The following RABGAP1L variants were observed in gnomAD, a reference collection of about 807,000 sequenced individuals.
RABGAP1L encodes RAB GTPase activating protein 1 like, also known as rab GTPase-activating protein 1-like.
A neutral mutation model predicts 137.7 loss-of-function variants in RABGAP1L; 63 were observed. That is an observed-to-expected ratio of 0.46 (90% CI 0.37 to 0.56). RABGAP1L has a LOEUF of 0.56. Ranked by LOEUF, RABGAP1L falls within the 20% of genes least tolerant of loss-of-function variation. RABGAP1L has a pLI of 0.00. For missense variants in RABGAP1L, 1,095 were observed against 1,244.0 expected (o/e 0.88, Z 1.80); for synonymous variants, 431 against 433.7 (o/e 0.99, Z 0.08).
intron 18 of RABGAP1L, among the ~76,000 whole-genome samples, chr1:174,768,749 C>G (rs1685871726): frequency 1.3e-5 from 2 of 152,206 alleles, no homozygotes; most frequent in African/African-American, 2.4e-5. Context: ...TACTTCCTTT[C>G]ATTCCTGCTC....
rs186480707 is a variant in RABGAP1L, at chr1:174,685,968, A to G, written c.1899+2372A>G. Among the ~76,000 whole-genome samples the G allele has an allele frequency of 1.8e-4, 27 of 152,330 alleles. No individual in the cohort carries two copies. The East Asian group carries it at 4.0e-3, about 23-fold the overall frequency. On this transcript the variant is annotated intron_variant, in intron 15 of 25. Coordinates refer to ENST00000681986, the MANE Select transcript of RABGAP1L (RefSeq NM_001366446.1). ...GCATACTGGAGATTAATGCTGGAGG[A>G]GAAATGAAAGCTGAAGTCATGAGAG...
intron 22 of RABGAP1L, among the ~76,000 whole-genome samples, chr1:174,978,344 C>T (rs1410592014): frequency 1.3e-5 from 2 of 152,114 alleles, no homozygotes; most frequent in African/African-American, 2.4e-5. Context: ...AACTCTAGTC[C>T]CCAAAGCCTC....
At chr1:174,204,616 T>C (rs1242111084) in intron 1 of RABGAP1L, among the ~76,000 whole-genome samples, 1 of 152,160 alleles carries the variant, frequency 6.6e-6, no homozygotes, top group Non-Finnish European at 1.5e-5. Context: ...TGAAGGGGTG[T>C]TGAATTTTAC....
chr1:174,664,063 A>T (rs186434157), intron 14 of RABGAP1L, among the ~76,000 whole-genome samples: 116 of 152,260 alleles, frequency 7.6e-4, no homozygotes, highest in Non-Finnish European at 2.1e-4. Context: ...ATGAAACAAC[A>T]ATATATATTA....
chr1:174,620,961 C>T (rs374873412), intron 13 of RABGAP1L, among the ~76,000 whole-genome samples: 7 of 151,984 alleles, frequency 4.6e-5, no homozygotes, highest in African/African-American at 1.2e-4. Context: ...ATATCACCAC[C>T]GATCCCACAG....
chr1:174,436,636 C>T (rs1653352985), intron 13 of RABGAP1L, among the ~76,000 whole-genome samples: 2 of 152,296 alleles, frequency 1.3e-5, no homozygotes, highest in South Asian at 2.1e-4. Flanking sequence ...GTTTCTTTTG[C>T]TGTGCAGAAG....
At chr1:174,443,515 T>C (rs996813889) in intron 13 of RABGAP1L, among the ~76,000 whole-genome samples, 3 of 152,128 alleles carry the variant, frequency 2.0e-5, no homozygotes, top group Non-Finnish European at 2.9e-5. Context: ...GCAATTTCTA[T>C]GTCCTCCTGT....
intron 17 of RABGAP1L, among the ~76,000 whole-genome samples, chr1:174,744,660 C>T (rs1477452180): frequency 6.6e-6 from 1 of 152,096 alleles, no homozygotes; most frequent in African/African-American, 2.4e-5. Context: ...GTAGACATAT[C>T]GAGTTGAGGG....
intron 17 of RABGAP1L, among the ~76,000 whole-genome samples, chr1:174,709,901 G>T (rs928364544): frequency 1.3e-5 from 2 of 152,040 alleles, no homozygotes; most frequent in Non-Finnish European, 2.9e-5. Context: ...CAGTGCAAGG[G>T]AGCCAAAAAC....
intron 14 of RABGAP1L, among the ~76,000 whole-genome samples, chr1:174,682,179 G>T (rs572821831): frequency 6.6e-6 from 1 of 152,052 alleles, no homozygotes; most frequent in South Asian, 2.1e-4. Flanking sequence ...TACTCAGGGG[G>T]CTGAGGCAGG....
chr1:174,612,549 A>G (rs1229292057), intron 13 of RABGAP1L, among the ~76,000 whole-genome samples: 1 of 152,176 alleles, frequency 6.6e-6, no homozygotes, highest in Non-Finnish European at 1.5e-5. Flanking sequence ...CGGCTTTGGT[A>G]TCAGGATGAT....
At chr1:174,883,064 T>C (rs1472715500) in intron 19 of RABGAP1L, among the ~76,000 whole-genome samples, 2 of 152,150 alleles carry the variant, frequency 1.3e-5, no homozygotes, top group Non-Finnish European at 2.9e-5. Flanking sequence ...CCTCAGGTGA[T>C]CCACCTGCCT....
chr1:174,453,526 C>G (rs895832141), intron 13 of RABGAP1L, among the ~76,000 whole-genome samples: 1 of 152,230 alleles, frequency 6.6e-6, no homozygotes, highest in South Asian at 2.1e-4. Context: ...ACATTCTGAG[C>G]ATAGATAGCA....
rs1305510462 is a variant in RABGAP1L at position 174,912,946 on chromosome 1, G to A, written c.2341-44511G>A. 2.0e-5 allele frequency among the ~76,000 whole-genome samples: 3 copies of A among 151,746 alleles called. No homozygotes were observed. The South Asian group carries it at 6.2e-4, about 31-fold the overall frequency. On this transcript the variant is annotated intron_variant, in intron 19 of 25. Transcript: ENST00000681986. ...TCTTGGTTGTAAGTAGGGATATCCA[G>A]CATAGTTTACTGTCTACATGCTTAT...
chr1:174,883,177 A>C (rs536726369), intron 19 of RABGAP1L, among the ~76,000 whole-genome samples: 1 of 152,176 alleles, frequency 6.6e-6, no homozygotes, highest in Non-Finnish European at 1.5e-5. Flanking sequence ...TAGATTCGCT[A>C]CTTACCAGTG....
chr1:174,201,481 A>C (rs1668093730), intron 1 of RABGAP1L, among the ~76,000 whole-genome samples: 1 of 152,170 alleles, frequency 6.6e-6, no homozygotes. Context: ...TACAGGTGCC[A>C]CCGCACCCGG....
chr1:174,519,213 T>C (rs1663144695), intron 13 of RABGAP1L, among the ~76,000 whole-genome samples: 1 of 144,002 alleles, frequency 6.9e-6, no homozygotes, highest in East Asian at 1.9e-4. Context: ...CACATACATA[T>C]ATATATACAC....
intron 14 of RABGAP1L, among the ~76,000 whole-genome samples, chr1:174,640,773 C>T (rs914865783): frequency 6.6e-6 from 1 of 151,612 alleles, no homozygotes; most frequent in Admixed American, 6.6e-5. Flanking sequence ...TTGCACTGAC[C>T]ACACCTTTAG....
At chr1:174,532,349 C>G (rs541396741) in intron 13 of RABGAP1L, among the ~76,000 whole-genome samples, 1 of 152,038 alleles carries the variant, frequency 6.6e-6, no homozygotes, top group African/African-American at 2.4e-5. Context: ...TCTGGGACTA[C>G]AGGTGCGCAC....
Sources: gnomAD v4.1 joint callset for allele counts (sites outside exome capture counted in the v4.1 genomes callset) on GRCh38, gnomAD v4.1.1 for gene constraint, MANE v1.5 for transcripts, NCBI Gene and HGNC (gene_info 2026-07-23, HGNC 2026-07-21) for gene names.